RNF145: variants seen among roughly 807,000 people sequenced by gnomAD.
RNF145 encodes ring finger protein 145.
Under a neutral mutation model 57.3 loss-of-function variants are expected in RNF145, and 12 were observed. That is an observed-to-expected ratio of 0.21 (90% confidence interval 0.13 to 0.34). The LOEUF (loss-of-function observed/expected upper bound fraction) is 0.34, where lower values mean the gene tolerates loss of function less well. RNF145 is among the 10% of genes least tolerant of loss of function. RNF145 has a pLI of 1.00. For missense variants in RNF145, 429 were observed against 799.0 expected (o/e 0.54, Z 5.58); for synonymous variants, 262 against 288.3 (o/e 0.91, Z 0.92).
intron 3 of RNF145, among the ~76,000 whole-genome samples, chr5:159,183,754 G>A (rs769073747): frequency 3.9e-5 from 6 of 152,030 alleles, no homozygotes; most frequent in Admixed American, 1.3e-4. Flanking sequence ...CTCTCCAATG[G>A]ATACAGTTTA....
chr5:159,161,752 A>T, intron 9 of RNF145, 130 bp from the exon 10 acceptor site: 1 of 569,540 alleles, frequency 1.8e-6, no homozygotes, highest in East Asian at 3.1e-5. Flanking sequence ...AAGAGTATCC[A>T]GGGGAAAAAA....
In RNF145 at chr5:159,157,722, G is replaced by A. The variant is rs1784087447; in HGVS notation, c.*948C>T. On this transcript the variant is annotated 3_prime_UTR_variant, in exon 11 of 11. Coordinates refer to ENST00000424310, the MANE Select transcript of RNF145 (RefSeq NM_001199383.2). ...CAGCTTTAAAAGTGGCATTTGCAGAGTGTGATCATACAGTTATGTACTCAT... is the reference window on the plus strand; with the variant it reads ...CAGCTTTAAAAGTGGCATTTGCAGAATGTGATCATACAGTTATGTACTCAT... The A allele has an allele frequency of 6.5e-6, 1 of 152,736 alleles. No individual in the cohort carries two copies. Among genetic ancestry groups the A allele is most frequent in the East Asian group, 1.9e-4 (1 of 5,328 alleles). The allele number at this position is 152,736 out of a possible 1,614,324, so 9.5% of individuals were successfully genotyped here.
intron 4 of RNF145, 99 bp downstream of exon 4, chr5:159,181,861 G>T: frequency 1.4e-6 from 1 of 694,426 alleles, no homozygotes; most frequent in South Asian, 1.9e-5. Context: ...AATCACTTTT[G>T]AGAATTCCGT....
chr5:159,176,938 A>G lies in RNF145; in HGVS notation c.386-71T>C, dbSNP rs554316283. The G allele has an allele frequency of 1.3e-5, 11 of 837,390 alleles. 1 individual carries two copies. The South Asian group carries it at 1.9e-4, about 15-fold the overall frequency. 51.9% of individuals were successfully genotyped at this position (837,390 alleles called of 1,614,324 possible). On this transcript the variant is annotated intron_variant, in intron 4 of 10. Transcript: ENST00000424310. ...CACAAAATAAAAACAAACAAAAAAC[A>G]CTGTTGATAAGGATAATAACACAAC...
intron 2 of RNF145, among the ~76,000 whole-genome samples, chr5:159,200,472 T>C (rs1224803092): frequency 6.6e-6 from 1 of 152,200 alleles, no homozygotes; most frequent in Non-Finnish European, 1.5e-5. Flanking sequence ...TGAGGATGAC[T>C]GTGTGGTTAT....
Position 159,158,515 on chromosome 5 carries a change from G to A in RNF145, c.*155C>T. The A allele has an allele frequency of 1.1e-6, 1 of 894,258 alleles. No individual in the cohort carries two copies. Among genetic ancestry groups the A allele is most frequent in the South Asian group, 1.8e-5 (1 of 56,322 alleles). The allele number at this position is 894,258 out of a possible 1,614,324, so 55.4% of individuals were successfully genotyped here. ...CCACAATGTCAGGGGATGAAAGCAG[G>A]TGGTCCCCACTGAGAGTACTTCCTG... On this transcript the variant is annotated 3_prime_UTR_variant, in exon 11 of 11. Transcript: ENST00000424310.
In RNF145 at chr5:159,194,763, T is replaced by C. The variant is rs541018218; in HGVS notation, c.246A>G (p.Leu82=). ...LPRQHLVQLY[L]YFLTALLLYA... ...AGAGGAGCAGAGCAGTCAAAAAATATAGATAAAGCTGAACCAGATGCTGCC... is the reference window on the plus strand; with the variant it reads ...AGAGGAGCAGAGCAGTCAAAAAATACAGATAAAGCTGAACCAGATGCTGCC... Residue 82 remains leucine (L), a synonymous_variant, in exon 3 of 11, where the codon CTA becomes CTG. Coordinates refer to ENST00000424310, the MANE Select transcript of RNF145 (RefSeq NM_001199383.2). The C allele has an allele frequency of 5.6e-6, 9 of 1,613,814 alleles. No homozygotes were observed. Among genetic ancestry groups the C allele is most frequent in the South Asian group, 4.4e-5 (4 of 91,068 alleles).
At position 159,203,292 on chromosome 5, in the gene RNF145, CAA is replaced by C. The variant is rs1785736573; in HGVS notation, c.184+140_184+141del. On this transcript the variant is annotated intron_variant, in intron 2 of 10. Coordinates refer to ENST00000424310, the MANE Select transcript of RNF145 (RefSeq NM_001199383.2). ...ATGTGCAATGATAAGACAAAACTATCAAGATTCATAAACACTCATCAATAACT... is the reference window on the plus strand; with the variant it reads ...ATGTGCAATGATAAGACAAAACTATCGATTCATAAACACTCATCAATAACT... 5 of 618,178 alleles carry C rather than the reference CAA, an allele frequency of 8.1e-6. No individual in the cohort carries two copies. The Admixed American group carries it at 1.4e-4, about 18-fold the overall frequency. 38.3% of individuals were successfully genotyped at this position (618,178 alleles called of 1,614,324 possible). A position where few individuals can be genotyped will look rare whatever the true frequency, so the allele number is the denominator to read the frequency against.
rs534359395 is a variant in RNF145 at position 159,187,339 on chromosome 5, T to A, written c.294-5288A>T. On this transcript the variant is annotated intron_variant, in intron 3 of 10. Transcript: ENST00000424310. ...AGTTTTTTTTTTTAAAGAAAAAAAA[T>A]TTTTTTTTGAGATAGTCTCACACTG... Among the ~76,000 whole-genome samples the A allele has an allele frequency of 1.4e-3, 215 of 150,574 alleles. 1 individual carries two copies. The highest frequency in any genetic ancestry group is 4.3e-3 in the African/African-American group (177 of 41,026).
chr5:159,208,183 T>C, intron 1 of RNF145: 5 of 1,358,594 alleles, frequency 3.7e-6, no homozygotes, highest in Non-Finnish European at 4.7e-6. Context: ...CCAACCCAGC[T>C]CGCGGCAAGC....
chr5:159,184,380 A>T (rs1159636020), intron 3 of RNF145, among the ~76,000 whole-genome samples: 1 of 152,188 alleles, frequency 6.6e-6, no homozygotes, highest in African/African-American at 2.4e-5. Context: ...TTTTAACTCA[A>T]AAAGAAATTA....
intron 5 of RNF145, 87 bp from the exon 6 acceptor site, chr5:159,174,245 T>A: frequency 1.2e-6 from 1 of 866,992 alleles, no homozygotes; most frequent in Non-Finnish European, 1.7e-6. Flanking sequence ...AGTAAAATAT[T>A]AAATAGCTTT....
chr5:159,181,142 A>AT (rs1747265604), intron 4 of RNF145, among the ~76,000 whole-genome samples: 1 of 151,738 alleles, frequency 6.6e-6, no homozygotes, highest in Admixed American at 6.6e-5. Context: ...AAAAAAAAAA[A>AT]AGTTTTTTAA....
At chr5:159,175,425 CATGACATTAAAAA>C (rs1784687302) in intron 5 of RNF145, among the ~76,000 whole-genome samples, 1 of 152,012 alleles carries the variant, frequency 6.6e-6, no homozygotes. Flanking sequence ...ACCAACTAAA[CATGACATTAAAAA>C]ATGAAGGCTG....
At position 159,209,480 on chromosome 5, in the gene RNF145, G is replaced by A. The variant is rs1786027830; in HGVS notation, c.-289C>T. The A allele has an allele frequency of 2.1e-6, 2 of 972,034 alleles. No homozygotes were observed. Among genetic ancestry groups the A allele is most frequent in the Admixed American group, 6.2e-5 (1 of 16,052 alleles). The allele number at this position is 972,034 out of a possible 1,614,324, so 60.2% of individuals were successfully genotyped here. A position where few individuals can be genotyped will look rare whatever the true frequency, so the allele number is the denominator to read the frequency against. ...GCGGCAGCAGGCGCTCGCGGGCCGA[G>A]CCCCTTAGCAGCCGGCGCCGGCGTC... On this transcript the variant is annotated 5_prime_UTR_variant, in exon 1 of 11. Transcript: ENST00000424310.
chr5:159,162,445 T>G (rs1365195380), intron 9 of RNF145, among the ~76,000 whole-genome samples: 1 of 134,066 alleles, frequency 7.5e-6, no homozygotes, highest in African/African-American at 2.9e-5. Context: ...TTTTTTTTTT[T>G]GAGACGGAGT....
chr5:159,194,957 A>G, intron 2 of RNF145, 133 bp from the exon 3 acceptor site: 1 of 602,046 alleles, frequency 1.7e-6, no homozygotes, highest in Non-Finnish European at 2.9e-6. Flanking sequence ...TATACTTACC[A>G]AAGTAAGTTT....
intron 6 of RNF145, among the ~76,000 whole-genome samples, chr5:159,171,974 T>C (rs1382566255): frequency 2.0e-5 from 3 of 152,224 alleles, no homozygotes; most frequent in Non-Finnish European, 4.4e-5. Context: ...CTTCACAGAA[T>C]ATCCGAATAT....
intron 3 of RNF145, among the ~76,000 whole-genome samples, chr5:159,187,347 T>G (rs1192163129): frequency 6.6e-6 from 1 of 151,834 alleles, no homozygotes; most frequent in African/African-American, 2.4e-5. Flanking sequence ...AATTTTTTTT[T>G]GAGATAGTCT....
Sources: gnomAD v4.1 joint callset for allele counts (sites outside exome capture counted in the v4.1 genomes callset) on GRCh38, gnomAD v4.1.1 for gene constraint, MANE v1.5 for transcripts, NCBI Gene and HGNC (gene_info 2026-07-23, HGNC 2026-07-21) for gene names.